AP3D1: variants seen among roughly 807,000 people sequenced by gnomAD.
The protein encoded by AP3D1 is adaptor related protein complex 3 subunit delta 1.
Under a neutral mutation model 147.6 loss-of-function variants are expected in AP3D1, and 51 were observed. The ratio of observed to expected loss-of-function variants is 0.35; its 90% CI spans 0.28 to 0.44. The LOEUF is 0.44. AP3D1 is among the 20% of genes least tolerant of loss of function. The probability of loss-of-function intolerance (pLI) is 1.00; values close to 1 mark genes in which losing one functional copy is unlikely to be tolerated. For synonymous variants in AP3D1, 760 were observed against 663.0 expected, an observed-to-expected ratio of 1.15 and a Z score of -2.25; for missense variants, 1,421 against 1,624.2, an observed-to-expected ratio of 0.87 and a Z score of 2.15.
rs117630602 is a variant in AP3D1, at chr19:2,113,302, C to T, written c.2679+34G>A. The T allele has an allele frequency of 0.17, 180,308 of 1,077,738 alleles. 14,539 individuals carry two copies. Among genetic ancestry groups the T allele is most frequent in the Non-Finnish European group, 0.18 (142,723 of 788,450 alleles). 66.8% of individuals were successfully genotyped at this position (1,077,738 alleles called of 1,614,324 possible). ...TGCCAGGTATGACCTCTGCAGACAC[C>T]GAGGCTGGCACTGGCCAGCTGCCAG... On this transcript the variant is annotated intron_variant, in intron 23 of 31. Transcript: ENST00000643116.
At chr19:2,130,668 G>C in intron 5 of AP3D1, 131 bp from the exon 6 acceptor site, 1 of 1,389,438 alleles carries the variant, frequency 7.2e-7, no homozygotes, top group Non-Finnish European at 9.9e-7. Flanking sequence ...CCAGTCCCAG[G>C]GGCCACAGAC....
chr19:2,106,516 T>C (rs2018114077), intron 31 of AP3D1, among the ~76,000 whole-genome samples: 1 of 151,968 alleles, frequency 6.6e-6, no homozygotes, highest in Non-Finnish European at 1.5e-5. Context: ...CACTGTACTC[T>C]AGCCTGGGTA....
intron 1 of AP3D1, chr19:2,164,182 G>T: frequency 8.1e-7 from 1 of 1,232,680 alleles, no homozygotes; most frequent in Non-Finnish European, 1.0e-6. Flanking sequence ...CGCGCGCGCG[G>T]ACATGGGGGA....
chr19:2,163,571 C>A (rs927085133), intron 1 of AP3D1, among the ~76,000 whole-genome samples: 1 of 151,868 alleles, frequency 6.6e-6, no homozygotes, highest in Non-Finnish European at 1.5e-5. Context: ...AGTCCTGGAC[C>A]GTGACTCTTA....
At chr19:2,129,191 C>A (rs2018862042) in intron 7 of AP3D1, 28 bp from the exon 8 acceptor site, 1 of 1,606,992 alleles carries the variant, frequency 6.2e-7, no homozygotes, top group Admixed American at 1.7e-5. Context: ...CCTCGGTCAC[C>A]CGCAGGGAAT....
chr19:2,132,606 C>G, intron 4 of AP3D1, 28 bp from the exon 5 acceptor site: 1 of 1,584,772 alleles, frequency 6.3e-7, no homozygotes, highest in Non-Finnish European at 8.6e-7. Flanking sequence ...GGGGCCGTGG[C>G]CAGGATGCCC....
intron 31 of AP3D1, among the ~76,000 whole-genome samples, chr19:2,106,905 C>T (rs376764936): frequency 6.6e-6 from 1 of 151,946 alleles, no homozygotes. Context: ...GGGGAGGCAA[C>T]GGGGAGTGAG....
Position 2,151,467 on chromosome 19 carries a change from C to T in AP3D1, c.-133G>A, listed in dbSNP as rs1366502096. On this transcript the variant is annotated 5_prime_UTR_variant, in exon 1 of 32. Coordinates refer to ENST00000643116, the MANE Select transcript of AP3D1 (RefSeq NM_001261826.3). ...GGCGGGGCAAGCTCCCAGGCCAGGG[C>T]GGCGGCGGGGTCCAAGGACCGCGGC... is the stretch of plus-strand genomic sequence containing the variant. 4 of 426,418 alleles carry T rather than the reference C, an allele frequency of 9.4e-6. No individual in the cohort carries two copies. In the South Asian group the frequency reaches 2.8e-4, roughly 30 times the overall value. 26.4% of individuals were successfully genotyped at this position (426,418 alleles called of 1,614,324 possible).
At chr19:2,164,442 T>TC in exon 1 of AP3D1, 1 of 396,528 alleles carries the variant, frequency 2.5e-6, no homozygotes, top group Non-Finnish European at 4.2e-6. Context: ...CGCGGCTGTT[T>TC]CCCGCAGGGT....
chr19:2,130,813 G>A (rs1016884299), intron 5 of AP3D1, among the ~76,000 whole-genome samples: 5 of 152,250 alleles, frequency 3.3e-5, no homozygotes, highest in Non-Finnish European at 7.3e-5. Context: ...GGCTGGAGAG[G>A]AAAGTCACAC....
chr19:2,127,190 A>G lies in AP3D1; in HGVS notation c.818T>C (p.Met273Thr). 1.2e-6 allele frequency: 2 copies of G among 1,613,922 alleles called. No individual in the cohort carries two copies. The highest frequency in any genetic ancestry group is 1.7e-6 in the Non-Finnish European group (2 of 1,179,988). The change falls in exon 9 of 32, where the codon ATG becomes ACG. Residue 273 changes from methionine to threonine, a missense_variant. By Grantham distance (81) the Met-to-Thr change is moderately conservative. Coordinates refer to ENST00000643116, the MANE Select transcript of AP3D1 (RefSeq NM_001261826.3). ...LTNLIHSTSA[M>T]SLLYECVNTV... ...GTTCACACATTCATAGAGGAGAGAC[A>G]TGGCAGACGTGCTAAGGAAAGGAAC...
intron 16 of AP3D1, 140 bp downstream of exon 16, chr19:2,117,082 G>A: frequency 8.9e-7 from 1 of 1,123,346 alleles, no homozygotes. Context: ...GTCCGTGTGA[G>A]GGATATACCC....
rs75837893 is a variant in AP3D1, at chr19:2,122,459, C to T, written c.956-580G>A. Among the ~76,000 whole-genome samples, 1,433 of 152,320 alleles carry T rather than the reference C, an allele frequency of 9.4e-3. 13 individuals carry two copies. Among genetic ancestry groups the T allele is most frequent in the Non-Finnish European group, 0.016 (1,065 of 68,036 alleles). ...GCAGAGACAGACACCGTGAGGTCCA[C>T]GGAGAAAACGCAGTAGTCCCCACCT... On this transcript the variant is annotated intron_variant, in intron 11 of 31. Transcript: ENST00000643116.
At chr19:2,102,661 G>C (rs917982306) in intron 31 of AP3D1, among the ~76,000 whole-genome samples, 1 of 151,818 alleles carries the variant, frequency 6.6e-6, no homozygotes, top group African/African-American at 2.4e-5. Flanking sequence ...CCGGGAGGTG[G>C]ACCTTGCAGT....
rs60728832 is a variant in AP3D1, at chr19:2,139,059, C to CAA, written c.97-347_97-346dup. Among the ~76,000 whole-genome samples, 87 of 61,656 alleles carry CAA rather than the reference C, an allele frequency of 1.4e-3. 1 individual carries two copies. Among genetic ancestry groups the CAA allele is most frequent in the Non-Finnish European group, 2.0e-3 (63 of 31,890 alleles). 40.4% of individuals were successfully genotyped at this position (61,656 alleles called of 152,430 possible). A position where few individuals can be genotyped will look rare whatever the true frequency, so the allele number is the denominator to read the frequency against. ...CAGGTGAGAGAGCCAGACTCCGTCTCAAAAAAAAAAAAAAAAAAAAAAAAA... is the reference window on the plus strand; with the variant it reads ...CAGGTGAGAGAGCCAGACTCCGTCTCAAAAAAAAAAAAAAAAAAAAAAAAAAA... On this transcript the variant is annotated intron_variant, in intron 1 of 31. Coordinates refer to ENST00000643116, the MANE Select transcript of AP3D1 (RefSeq NM_001261826.3).
intron 1 of AP3D1, among the ~76,000 whole-genome samples, chr19:2,148,348 T>C (rs749098888): frequency 2.6e-5 from 4 of 152,202 alleles, no homozygotes; most frequent in Non-Finnish European, 5.9e-5. Context: ...CTCATCTTAA[T>C]AGGTTTTGCA....
upstream of AP3D1, among the ~76,000 whole-genome samples, chr19:2,153,647 C>T (rs2144592170): frequency 6.6e-6 from 1 of 151,042 alleles, no homozygotes; most frequent in Admixed American, 6.6e-5. Context: ...TACACTCAAG[C>T]CTGGGAGACA....
chr19:2,117,168 T>A, intron 16 of AP3D1, 54 bp downstream of exon 16: 1 of 1,527,702 alleles, frequency 6.5e-7, no homozygotes, highest in East Asian at 2.3e-5. Context: ...CCACCAGGCA[T>A]CAAGGGACCA....
At chr19:2,157,454 A>AG (rs2019656127) in intron 1 of AP3D1, among the ~76,000 whole-genome samples, 1 of 149,136 alleles carries the variant, frequency 6.7e-6, no homozygotes, top group Non-Finnish European at 1.5e-5. Flanking sequence ...AAAAAAAAAA[A>AG]AAAAAAGAAA....
Sources: allele counts gnomAD v4.1 joint callset (sites outside exome capture counted in the v4.1 genomes callset), GRCh38; gene constraint gnomAD v4.1.1; transcripts MANE v1.5; gene names NCBI Gene and HGNC (gene_info 2026-07-23, HGNC 2026-07-21).